The following PPARG variants were observed in gnomAD, a reference collection of about 807,000 sequenced individuals.
The protein encoded by PPARG is peroxisome proliferator activated receptor gamma.
Under a neutral mutation model 39.2 loss-of-function variants are expected in PPARG, and 17 were observed. That is an observed-to-expected ratio of 0.43 (90% confidence interval 0.30 to 0.65). PPARG has a LOEUF of 0.65. Ranked by LOEUF, PPARG falls within the 30% of genes least tolerant of loss-of-function variation. The pLI, the probability that PPARG is intolerant of heterozygous loss-of-function variation, is 0.13. For missense variants in PPARG, 406 were observed against 585.9 expected (o/e 0.69, Z 3.17); for synonymous variants, 223 against 215.7 (o/e 1.03, Z -0.30).
At chr3:12,433,765 ATT>A in intron 7 of PPARG, 131 bp from the exon 8 acceptor site, 1 of 1,278,982 alleles carries the variant, frequency 7.8e-7, no homozygotes, top group Non-Finnish European at 1.1e-6. Flanking sequence ...CTCCCCACCT[ATT>A]TAAGATACAA....
chr3:12,364,367 T>A (rs2125126647), intron 2 of PPARG, among the ~76,000 whole-genome samples: 1 of 152,358 alleles, frequency 6.6e-6, no homozygotes, highest in Non-Finnish European at 1.5e-5. Flanking sequence ...GGTTCTTCCA[T>A]GTCTTTCCAT....
intron 2 of PPARG, among the ~76,000 whole-genome samples, chr3:12,333,330 C>T (rs1327626559): frequency 2.0e-5 from 3 of 152,192 alleles, no homozygotes; most frequent in Non-Finnish European, 2.9e-5. Context: ...GGTTAAATAG[C>T]TTTGCCCAAA....
intron 2 of PPARG, among the ~76,000 whole-genome samples, chr3:12,344,343 A>G (rs2048269126): frequency 6.6e-6 from 1 of 151,866 alleles, no homozygotes; most frequent in South Asian, 2.1e-4. Context: ...GTTCAAATGT[A>G]AAGTTCTAGA....
At chr3:12,344,771 T>C (rs2048280948) in intron 2 of PPARG, 1 of 152,308 alleles carries the variant, frequency 6.6e-6, no homozygotes, top group South Asian at 2.1e-4. Flanking sequence ...ATTATAAGAA[T>C]TCATAATATA....
upstream of PPARG, among the ~76,000 whole-genome samples, chr3:12,288,296 G>A (rs1327203625): frequency 2.0e-5 from 3 of 151,924 alleles, no homozygotes; most frequent in Admixed American, 6.5e-5. Context: ...TGGGCTGAGG[G>A]CACCCGGGCT....
chr3:12,422,905 GAAAAA>G (rs1222620009), intron 7 of PPARG, among the ~76,000 whole-genome samples: 1 of 150,684 alleles, frequency 6.6e-6, no homozygotes, highest in Non-Finnish European at 1.5e-5. Context: ...AAAAGAAAAA[GAAAAA>G]AGAATCTCCA....
At chr3:12,318,673 A>G (rs1003865424) in intron 2 of PPARG, among the ~76,000 whole-genome samples, 6 of 152,150 alleles carry the variant, frequency 3.9e-5, no homozygotes, top group African/African-American at 7.2e-5. Context: ...CTTTGCCTCA[A>G]ATAAATAAAG....
At position 12,416,905 on chromosome 3, in the gene PPARG, G is replaced by T; in HGVS notation, c.931G>T (p.Asp311Tyr). ...IPGFVNLDLN[D>Y]QVTLLKYGVH... ...TGGTTTTGTAAATCTTGACTTGAAC[G>T]ACCAAGTAACTCTCCTCAAATATGG... is the stretch of plus-strand genomic sequence containing the variant. Residue 311 changes from aspartate (D) to tyrosine (Y), a missense_variant, in exon 7 of 8, where the codon GAC becomes TAC. Around this residue, in one of 2 missense-constraint regions of PPARG, gnomAD observed 275 missense variants for 458.0 expected, o/e 0.60. Transcript: ENST00000651735. The T allele has an allele frequency of 6.2e-7, 1 of 1,614,064 alleles. No individual in the cohort carries two copies. Among genetic ancestry groups the T allele is most frequent in the South Asian group, 1.1e-5 (1 of 91,048 alleles).
At chr3:12,426,897 G>A (rs529123492) in intron 7 of PPARG, among the ~76,000 whole-genome samples, 95 of 152,262 alleles carry the variant, frequency 6.2e-4, no homozygotes, top group African/African-American at 2.2e-3. Context: ...TTCCAACTGC[G>A]TCTCACTCAG....
intron 2 of PPARG, among the ~76,000 whole-genome samples, chr3:12,324,925 G>A (rs996109559): frequency 2.6e-5 from 4 of 152,160 alleles, no homozygotes; most frequent in African/African-American, 9.7e-5. Context: ...GCCTAACACA[G>A]AACAACTACC....
chr3:12,290,461 A>G (rs1207557178), intron 1 of PPARG, among the ~76,000 whole-genome samples: 1 of 152,124 alleles, frequency 6.6e-6, no homozygotes, highest in Non-Finnish European at 1.5e-5. Flanking sequence ...ATAAAATATA[A>G]TATTTTCTTT....
At chr3:12,325,143 C>G (rs1449770787) in intron 2 of PPARG, among the ~76,000 whole-genome samples, 2 of 152,030 alleles carry the variant, frequency 1.3e-5, no homozygotes, top group Admixed American at 6.6e-5. Flanking sequence ...AAAACATTGT[C>G]TGGGCGCAGT....
At chr3:12,383,448 T>C (rs369851736) in intron 4 of PPARG, among the ~76,000 whole-genome samples, 1 of 152,286 alleles carries the variant, frequency 6.6e-6, no homozygotes, top group African/African-American at 2.4e-5. Flanking sequence ...TTGAGTTTTA[T>C]TTTAGATTTA....
chr3:12,350,479 A>G (rs2048448758), intron 2 of PPARG, among the ~76,000 whole-genome samples: 1 of 152,202 alleles, frequency 6.6e-6, no homozygotes, highest in South Asian at 2.1e-4. Context: ...TCAGAGAATT[A>G]TTGCCTTCTA....
At position 12,405,560 on chromosome 3, in the gene PPARG, G is replaced by A. The variant is rs183018569; in HGVS notation, c.530-322G>A. ...GTGACCTTTGAATTGGGTCTTGAGG[G>A]ATGAGTAGGAGTTGGTTCTCAATTA... On this transcript the variant is annotated intron_variant, in intron 5 of 7. Transcript: ENST00000651735. Among the ~76,000 whole-genome samples, 590 of 152,322 alleles carry A rather than the reference G, an allele frequency of 3.9e-3. 2 individuals are homozygous for A. Among genetic ancestry groups the A allele is most frequent in the Admixed American group, 7.4e-3 (113 of 15,308 alleles).
intron 2 of PPARG, among the ~76,000 whole-genome samples, chr3:12,332,752 C>CA (rs2047897323): frequency 6.6e-6 from 1 of 152,110 alleles, no homozygotes; most frequent in Non-Finnish European, 1.5e-5. Flanking sequence ...ATCCAAAGGC[C>CA]AGGAGCAGTG....
chr3:12,293,826 A>C (rs2046711120), intron 1 of PPARG, among the ~76,000 whole-genome samples: 1 of 152,228 alleles, frequency 6.6e-6, no homozygotes, highest in African/African-American at 2.4e-5. Flanking sequence ...TATAACTGTC[A>C]AACTGTTCGA....
intron 5 of PPARG, among the ~76,000 whole-genome samples, chr3:12,402,755 TC>T (rs1559526359): frequency 6.6e-6 from 1 of 152,074 alleles, no homozygotes; most frequent in Non-Finnish European, 1.5e-5. Context: ...AGGCTCTGCC[TC>T]CCCTACCCTC....
intron 2 of PPARG, among the ~76,000 whole-genome samples, chr3:12,323,704 C>T (rs899940785): frequency 6.6e-6 from 1 of 151,558 alleles, no homozygotes; most frequent in African/African-American, 2.4e-5. Flanking sequence ...AACCCCCAAG[C>T]CCACATATTT....
Sources: allele counts gnomAD v4.1 joint callset (sites outside exome capture counted in the v4.1 genomes callset), GRCh38; gene constraint gnomAD v4.1.1; regional missense constraint gnomAD v4.1.1; transcripts MANE v1.5; gene names NCBI Gene and HGNC (gene_info 2026-07-23, HGNC 2026-07-21).